The following CHD1L variants were observed in gnomAD, a reference collection of about 807,000 sequenced individuals.
The protein encoded by CHD1L is chromodomain helicase DNA binding protein 1 like, also known as ATP-dependent chromatin remodeler CHD1L.
CHD1L carries 118 observed loss-of-function variants against 115.9 expected under a neutral mutation model. That is an observed-to-expected ratio of 1.02 (90% CI 0.88 to 1.19). The LOEUF (loss-of-function observed/expected upper bound fraction) is 1.19, where lower values mean the gene tolerates loss of function less well. CHD1L is among the 50% of genes most tolerant of loss of function. The pLI is 0.00. For missense variants in CHD1L, 1,179 were observed against 1,065.3 expected (o/e 1.11, Z -1.49); for synonymous variants, 411 against 387.1 (o/e 1.06, Z -0.72).
chr1:147,228,270 T>C, the CHD1L span, among the ~76,000 whole-genome samples: 1 of 151,970 alleles, frequency 6.6e-6, no homozygotes, highest in Admixed American at 6.6e-5. Flanking sequence ...TTTGGTTTTT[T>C]GTCCTTGCAA....
intron 15 of CHD1L, among the ~76,000 whole-genome samples, chr1:147,282,982 A>G (rs587625374): frequency 6.6e-6 from 1 of 152,352 alleles, no homozygotes; most frequent in East Asian, 1.9e-4. Context: ...GGCAGAGTGA[A>G]GATAGGAAGT....
chr1:147,206,070 G>GA, the CHD1L span, among the ~76,000 whole-genome samples: 2 of 150,682 alleles, frequency 1.3e-5, no homozygotes, highest in East Asian at 1.9e-4. Flanking sequence ...AAATTTACAA[G>GA]AAAAAAACAA....
At chr1:147,252,350 A>T (rs1668662974) in intron 1 of CHD1L, among the ~76,000 whole-genome samples, 1 of 152,198 alleles carries the variant, frequency 6.6e-6, no homozygotes, top group Non-Finnish European at 1.5e-5. Flanking sequence ...TAGAGGCCAG[A>T]TCCCAAGTTG....
At chr1:147,194,678 C>G in the CHD1L span, among the ~76,000 whole-genome samples, 1 of 152,094 alleles carries the variant, frequency 6.6e-6, no homozygotes, top group Non-Finnish European at 1.5e-5. Flanking sequence ...GTGCTTCCTT[C>G]AGGAGCTCTT....
chr1:147,204,537 A>T, the CHD1L span: 1 of 1,577,938 alleles, frequency 6.3e-7, no homozygotes, highest in Non-Finnish European at 8.7e-7. Flanking sequence ...AAGCTATTTC[A>T]TAACCTTCTA....
intron 1 of CHD1L, among the ~76,000 whole-genome samples, chr1:147,248,034 C>A (rs1471192923): frequency 6.6e-6 from 1 of 152,186 alleles, no homozygotes; most frequent in Non-Finnish European, 1.5e-5. Flanking sequence ...TGCCTTTTGC[C>A]ATATAAGGTC....
intron 1 of CHD1L, 79 bp downstream of exon 1, chr1:147,242,909 G>A (rs1418642806): frequency 8.1e-6 from 10 of 1,232,156 alleles, no homozygotes; most frequent in Middle Eastern, 5.6e-4. Flanking sequence ...GGCGCAGCGG[G>A]TGGGCCGCCC....
intron 6 of CHD1L, among the ~76,000 whole-genome samples, chr1:147,263,361 G>A (rs1380735255): frequency 3.3e-5 from 5 of 150,484 alleles, no homozygotes; most frequent in African/African-American, 9.8e-5. Context: ...ACCGGGAGGA[G>A]GAGGTTACAG....
At chr1:147,245,418 G>C (rs1207074926) in intron 1 of CHD1L, among the ~76,000 whole-genome samples, 1 of 152,190 alleles carries the variant, frequency 6.6e-6, no homozygotes, top group Non-Finnish European at 1.5e-5. Context: ...TGACAGTACC[G>C]TGGCCTCCTG....
chr1:147,267,720 CTTTTT>C (rs1553949594), intron 9 of CHD1L, among the ~76,000 whole-genome samples: 1 of 152,044 alleles, frequency 6.6e-6, no homozygotes, highest in African/African-American at 2.4e-5. Flanking sequence ...CTATATTTTT[CTTTTT>C]TTGTTAAATC....
chr1:147,191,534 T>G, the CHD1L span, among the ~76,000 whole-genome samples: 2 of 143,888 alleles, frequency 1.4e-5, no homozygotes, highest in Admixed American at 7.1e-5. Flanking sequence ...TGGGGTTGTT[T>G]GTTTTTTTCT....
chr1:147,276,136 A>G lies in CHD1L; in HGVS notation c.1418A>G (p.Asp473Gly). 6.2e-7 allele frequency: 1 copy of G among 1,614,122 alleles called. No individual in the cohort carries two copies. The change falls in exon 14 of 23, where the codon GAC (aspartate) becomes GGC (glycine). Residue 473 changes from aspartate to glycine, a missense_variant. Coordinates refer to ENST00000369258, the MANE Select transcript of CHD1L (RefSeq NM_004284.6). Reference protein sequence around the residue: ...SVKVIRLIGRDTVEEIVYRKA... With the variant: ...SVKVIRLIGRGTVEEIVYRKA... ...AAAGTTATTCGGCTGATTGGTCGAG[A>G]CACTGTGGAAGAAATAGTCTATAGG...
chr1:147,256,608 A>G, intron 5 of CHD1L, 46 bp downstream of exon 5: 1 of 1,555,526 alleles, frequency 6.4e-7, no homozygotes, highest in Non-Finnish European at 8.9e-7. Flanking sequence ...ATGTATTATG[A>G]ATGTCATGTC....
the CHD1L span, among the ~76,000 whole-genome samples, chr1:147,233,363 G>A: frequency 2.0e-5 from 3 of 151,278 alleles, no homozygotes; most frequent in South Asian, 4.2e-4. Flanking sequence ...CGCCCCGTCC[G>A]GGAGGGAGGT....
At chr1:147,187,066 C>A in the CHD1L span, 2 of 1,614,138 alleles carry the variant, frequency 1.2e-6, no homozygotes, top group Non-Finnish European at 8.5e-7. Flanking sequence ...ATCCCACTTT[C>A]CAGGGCCCTG....
At chr1:147,206,547 A>T in the CHD1L span, among the ~76,000 whole-genome samples, 1 of 152,224 alleles carries the variant, frequency 6.6e-6, no homozygotes, top group African/African-American at 2.4e-5. Context: ...GATTAAGAAA[A>T]TGTGGCACAT....
chr1:147,176,327 A>C, the CHD1L span: 17 of 152,292 alleles, frequency 1.1e-4, no homozygotes, highest in East Asian at 3.1e-3. Flanking sequence ...TAGTATCATA[A>C]TTTTTCCTTT....
rs782618755 is a variant in CHD1L, at chr1:147,284,289, A to G, written c.1706-62A>G. On this transcript the variant is annotated intron_variant, in intron 15 of 22. Transcript: ENST00000369258. ...CTGTCCACTTTTGTTATTGATTTGA[A>G]TAGCATTAATCTATTTTTCCTTGGT... The G allele has an allele frequency of 1.5e-3, 1,997 of 1,331,374 alleles. 5 individuals carry two copies. The highest frequency in any genetic ancestry group is 2.4e-3 in the Admixed American group (100 of 42,268). The allele number at this position is 1,331,374 out of a possible 1,614,324, so 82.5% of individuals were successfully genotyped here. A position where few individuals can be genotyped will look rare whatever the true frequency, so the allele number is the denominator to read the frequency against.
chr1:147,175,092 T>C, the CHD1L span: 1 of 152,184 alleles, frequency 6.6e-6, no homozygotes, highest in Non-Finnish European at 1.5e-5. Context: ...CCATCTCCAC[T>C]CACCAAGTTT....
Sources: allele counts gnomAD v4.1 joint callset (sites outside exome capture counted in the v4.1 genomes callset), GRCh38; gene constraint gnomAD v4.1.1; transcripts MANE v1.5; gene names NCBI Gene and HGNC (gene_info 2026-07-23, HGNC 2026-07-21).